ARHGEF25: variants seen among roughly 807,000 people sequenced by gnomAD.
ARHGEF25 encodes RAC/CDC42 exchange factor.
In ARHGEF25, 42 loss-of-function variants were observed where a neutral mutation model predicts 74.0. The ratio of observed to expected loss-of-function variants is 0.57; its 90% CI spans 0.44 to 0.73. The LOEUF is 0.73. Among genes scored for constraint, ARHGEF25 ranks in the 30% least tolerant of loss-of-function variants. The pLI is 0.00. For synonymous variants in ARHGEF25, 293 were observed against 278.6 expected, an observed-to-expected ratio of 1.05 and a Z score of -0.51; for missense variants, 645 against 725.5, an observed-to-expected ratio of 0.89 and a Z score of 1.27.
At chr12:57,616,180 C>T (rs1884277416) in intron 13 of ARHGEF25, 104 bp from the exon 14 acceptor site, 2 of 1,454,920 alleles carry the variant, frequency 1.4e-6, no homozygotes, top group African/African-American at 1.4e-5. Flanking sequence ...AAGCAATTGA[C>T]ATTGGCTGAC....
At chr12:57,610,495 A>C, upstream of ARHGEF25, 1 of 1,293,364 alleles carries the variant, frequency 7.7e-7, no homozygotes, top group South Asian at 1.4e-5. Context: ...GGGTTTTGAC[A>C]GGTAGGAGAA....
At chr12:57,612,805 AAG>A in intron 1 of ARHGEF25, 123 bp from the exon 2 acceptor site, 2 of 1,501,820 alleles carry the variant, frequency 1.3e-6, no homozygotes, top group Non-Finnish European at 1.8e-6. Flanking sequence ...TGAGGATGGC[AAG>A]AGAGTGAGCC....
upstream of ARHGEF25, chr12:57,610,343 G>T: frequency 7.0e-7 from 1 of 1,429,016 alleles, no homozygotes; most frequent in Non-Finnish European, 9.3e-7. Flanking sequence ...CGGTGGGGTC[G>T]GGGGTCTTTC....
upstream of ARHGEF25, chr12:57,610,670 G>C: frequency 6.2e-7 from 1 of 1,609,192 alleles, no homozygotes; most frequent in Non-Finnish European, 8.5e-7. Context: ...GTCCTCGCCG[G>C]GGCTCTGCAG....
In ARHGEF25 at chr12:57,617,042, A is replaced by G; in HGVS notation, c.*148A>G. On this transcript the variant is annotated 3_prime_UTR_variant, in exon 15 of 15. Coordinates refer to ENST00000286494, the MANE Select transcript of ARHGEF25 (RefSeq NM_182947.4). ...TGGGAGGGATATCAACTTGGAGGAG[A>G]ACACCTAGACCCAAGGACTTTTTTC... 1 of 547,136 alleles carries G rather than the reference A, an allele frequency of 1.8e-6. No homozygotes were observed. The highest frequency in any genetic ancestry group is 3.2e-6 in the Non-Finnish European group (1 of 311,492). 33.9% of individuals were successfully genotyped at this position (547,136 alleles called of 1,614,324 possible). A position where few individuals can be genotyped will look rare whatever the true frequency, so the allele number is the denominator to read the frequency against.
rs761964592 is a variant in ARHGEF25, at chr12:57,614,491, C to G, written c.727-25C>G. The stretch of plus-strand genomic sequence containing the variant: ...GTCCTCCCTCCTTGCCCACCCTGCT[C>G]TCTCTTAAACATTACCCCTGTTAGG... On this transcript the variant is annotated intron_variant, in intron 7 of 14. Coordinates refer to ENST00000286494, the MANE Select transcript of ARHGEF25 (RefSeq NM_182947.4). The surrounding 1 kb of genome is among the most constrained non-coding windows in gnomAD (Gnocchi z 4.6). 9.9e-6 allele frequency: 16 copies of G among 1,613,990 alleles called. No homozygotes were observed. Among genetic ancestry groups the G allele is most frequent in the Non-Finnish European group, 1.2e-5 (14 of 1,180,010 alleles).
In ARHGEF25 at chr12:57,616,905, C is replaced by A. The variant is rs773979411; in HGVS notation, c.*11C>A. ...GAAGATGAGCTGTAACTGGTGAAAACCATGGGGGTGGTGCTGACTCAGCCG... is the reference window on the plus strand; with the variant it reads ...GAAGATGAGCTGTAACTGGTGAAAAACATGGGGGTGGTGCTGACTCAGCCG... On this transcript the variant is annotated 3_prime_UTR_variant, in exon 15 of 15. Transcript: ENST00000286494. The A allele has an allele frequency of 1.2e-6, 2 of 1,606,516 alleles. No homozygotes were observed. Among genetic ancestry groups the A allele is most frequent in the Admixed American group, 1.7e-5 (1 of 59,980 alleles).
upstream of ARHGEF25, chr12:57,611,338 C>T (rs980111021): frequency 2.4e-4 from 158 of 648,898 alleles, 1 homozygote; most frequent in Non-Finnish European, 2.9e-4. This position sits in a 1 kb window ranked among gnomAD's most constrained non-coding sequence, Gnocchi z 4.5. Flanking sequence ...GCGATCGGGG[C>T]GGGAACCCGG....
Position 57,616,833 on chromosome 12 carries a change from C to T in ARHGEF25, c.1682C>T (p.Pro561Leu). ...QAPHDSPPVS[P>L]TPKTPPCQAR... ...CCCCATGACTCTCCTCCAGTCTCTCCAACTCCAAAAACCCCTCCCTGCCAA... is the reference window on the plus strand; with the variant it reads ...CCCCATGACTCTCCTCCAGTCTCTCTAACTCCAAAAACCCCTCCCTGCCAA... The change falls in exon 15 of 15, where the codon CCA becomes CTA. Residue 561 changes from proline to leucine, a missense_variant. Pro to Leu is a moderately conservative substitution (Grantham distance 98). Transcript: ENST00000286494. 6.2e-7 allele frequency: 1 copy of T among 1,614,076 alleles called. No individual in the cohort carries two copies. The highest frequency in any genetic ancestry group is 8.5e-7 in the Non-Finnish European group (1 of 1,179,970).
upstream of ARHGEF25, chr12:57,610,790 T>C (rs1271496376): frequency 4.4e-6 from 4 of 914,308 alleles, no homozygotes; most frequent in Non-Finnish European, 4.7e-6. Flanking sequence ...CTAATTTGCA[T>C]GAGACCCATT....
chr12:57,610,276 G>T (rs1349703632), upstream of ARHGEF25: 5 of 1,585,728 alleles, frequency 3.2e-6, no homozygotes, highest in Non-Finnish European at 2.6e-6. Flanking sequence ...GGGTCATGGG[G>T]GGCATGCTGC....
In ARHGEF25 at chr12:57,615,950, T is replaced by C; in HGVS notation, c.1353T>C (p.Pro451=). Residue 451 remains proline, a synonymous_variant, in exon 13 of 15, where the codon CCT becomes CCC. Coordinates refer to ENST00000286494, the MANE Select transcript of ARHGEF25 (RefSeq NM_182947.4). ...IQRYVLQAAD[P]AISQAWIKHV... is the part of the protein sequence containing the mutation. The stretch of plus-strand genomic sequence containing the variant: ...GCTATGTCCTGCAGGCTGCAGACCC[T>C]GCTATCAGTCAGGCCTGGATCAAGC... 2 of 1,614,184 alleles carry C rather than the reference T, an allele frequency of 1.2e-6. No individual in the cohort carries two copies. The highest frequency in any genetic ancestry group is 8.5e-7 in the Non-Finnish European group (1 of 1,180,026).
Position 57,615,681 on chromosome 12 carries a change from A to G in ARHGEF25, c.1208A>G (p.Gln403Arg), listed in dbSNP as rs987825856. The part of the protein sequence containing the change: ...ALGGGVRGGT[Q>R]PGYVYKNSIK... ...GGAGGAGGAGTGAGAGGTGGAACAC[A>G]GCCTGGATATGTATACAAGAACAGC... Residue 403 changes from glutamine to arginine, a missense_variant, in exon 12 of 15, where the codon CAG becomes CGG. Gln to Arg is a conservative substitution (Grantham distance 43). Transcript: ENST00000286494. 6 of 1,614,166 alleles carry G rather than the reference A, an allele frequency of 3.7e-6. No individual in the cohort carries two copies. The highest frequency in any genetic ancestry group is 5.1e-6 in the Non-Finnish European group (6 of 1,180,018).
chr12:57,612,954 A>AG lies in ARHGEF25; in HGVS notation c.126dup (p.Ser43GlufsTer52). 6.2e-7 allele frequency: 1 copy of AG among 1,613,986 alleles called. No individual in the cohort carries two copies. Among genetic ancestry groups the AG allele is most frequent in the Non-Finnish European group, 8.5e-7 (1 of 1,179,948 alleles). ...GAATCCTATTCCATTGCGGGCAGTG[A>AG]GGGGAGTATATCGGCTTCTGCTGCC... On this transcript the variant is annotated frameshift_variant, in exon 2 of 15. Transcript: ENST00000286494. LOFTEE classifies it high-confidence loss of function.
At position 57,612,947 on chromosome 12, in the gene ARHGEF25, G is replaced by T; in HGVS notation, c.115G>T (p.Gly39Cys). ...CCCATTAGAATCCTATTCCATTGCG[G>T]GCAGTGAGGGGAGTATATCGGCTTC... ...RGGRESYSIA[G>C]SEGSISASAA... The change falls in exon 2 of 15, where the codon GGC (glycine) becomes TGC (cysteine). Residue 39 changes from glycine (G) to cysteine (C), a missense_variant. Physicochemically the swap from Gly to Cys is radical, Grantham distance 159 (BLOSUM62 -3). This residue lies in a region of ARHGEF25 where 189 missense variants were observed against 199.1 expected (regional missense o/e 0.95). Transcript: ENST00000286494. The T allele has an allele frequency of 6.2e-7, 1 of 1,614,006 alleles. No homozygotes were observed. Among genetic ancestry groups the T allele is most frequent in the Non-Finnish European group, 8.5e-7 (1 of 1,179,922 alleles).
Position 57,616,978 on chromosome 12 carries a change from A to G in ARHGEF25, c.*84A>G. 9.3e-7 allele frequency: 1 copy of G among 1,072,512 alleles called. No homozygotes were observed. The allele number at this position is 1,072,512 out of a possible 1,614,324, so 66.4% of individuals were successfully genotyped here. Reference sequence around the variant, plus strand: ...GGCAGTCCTTCTGGCACTGCTCCAGAATTCCTCCTTCTTGGTGTGTCTGGA... The same window carrying G: ...GGCAGTCCTTCTGGCACTGCTCCAGGATTCCTCCTTCTTGGTGTGTCTGGA... On this transcript the variant is annotated 3_prime_UTR_variant, in exon 15 of 15. Coordinates refer to ENST00000286494, the MANE Select transcript of ARHGEF25 (RefSeq NM_182947.4).
upstream of ARHGEF25, chr12:57,610,577 GGAGAAGC>G: frequency 1.2e-6 from 2 of 1,609,454 alleles, no homozygotes; most frequent in Non-Finnish European, 1.7e-6. Context: ...CAGCCCCCAA[GGAGAAGC>G]CCTCTAGGGT....
rs768155733 is a variant in ARHGEF25 at position 57,616,400 on chromosome 12, G to T, written c.1537G>T (p.Gly513Cys). 1 of 1,614,098 alleles carries T rather than the reference G, an allele frequency of 6.2e-7. No homozygotes were observed. Among genetic ancestry groups the T allele is most frequent in the South Asian group, 1.1e-5 (1 of 91,080 alleles). ...GRIQLGDQAQGSTHTPINGSL... is the reference protein window; with the variant it reads ...GRIQLGDQAQCSTHTPINGSL... The stretch of plus-strand genomic sequence containing the variant: ...AATTCAGCTTGGAGATCAGGCCCAG[G>T]GCAGCACACACACACCCATCAATGG... Residue 513 changes from glycine to cysteine, a missense_variant, in exon 14 of 15, where the codon GGC (glycine) becomes TGC (cysteine). By Grantham distance (159) the Gly-to-Cys change is radical. Around this residue, in one of 3 missense-constraint regions of ARHGEF25, gnomAD observed 262 missense variants for 256.9 expected, o/e 1.02. Transcript: ENST00000286494.
In ARHGEF25 at chr12:57,612,547, C is replaced by T. The variant is rs116600726; in HGVS notation, c.98-383C>T. On this transcript the variant is annotated intron_variant, in intron 1 of 14. Transcript: ENST00000286494. ...GAGTGGCAGATGGACCCAGCTCATC[C>T]TCCCCTCTTCCCAGAGAATGGTCTG... 541 of 255,230 alleles carry T rather than the reference C, an allele frequency of 2.1e-3. 2 individuals carry two copies. The highest frequency in any genetic ancestry group is 0.012 in the African/African-American group (518 of 44,414). 15.8% of individuals were successfully genotyped at this position (255,230 alleles called of 1,614,324 possible). A position where few individuals can be genotyped will look rare whatever the true frequency, so the allele number is the denominator to read the frequency against.
Sources: allele counts gnomAD v4.1 joint callset, GRCh38; gene constraint gnomAD v4.1.1; regional missense constraint gnomAD v4.1.1; non-coding constraint Gnocchi (gnomAD v3.1); transcripts MANE v1.5; gene names NCBI Gene and HGNC (gene_info 2026-07-23, HGNC 2026-07-21).